SLC7A11: variants seen among roughly 807,000 people sequenced by gnomAD.
The protein encoded by SLC7A11 is cystine/glutamate transporter.
Under a neutral mutation model 54.5 loss-of-function variants are expected in SLC7A11, and 35 were observed. The observed-to-expected ratio is 0.64, with a 90% confidence interval of 0.49 to 0.85. The LOEUF (loss-of-function observed/expected upper bound fraction) is 0.85. Among genes scored for constraint, SLC7A11 ranks in the 40% least tolerant of loss-of-function variants. The probability of loss-of-function intolerance (pLI) is 0.00; values close to 1 mark genes in which losing one functional copy is unlikely to be tolerated. For missense variants in SLC7A11, 583 were observed against 618.1 expected, an observed-to-expected ratio of 0.94 and a Z score of 0.60; for synonymous variants, 230 against 225.2, an observed-to-expected ratio of 1.02 and a Z score of -0.19.
At chr4:138,234,408 C>G (rs1738155329) in intron 2 of SLC7A11, among the ~76,000 whole-genome samples, 1 of 152,104 alleles carries the variant, frequency 6.6e-6, no homozygotes, top group Non-Finnish European at 1.5e-5. Flanking sequence ...GATATTTTGT[C>G]CCTCCTCATG....
At chr4:138,225,580 G>T (rs1230864590) in intron 3 of SLC7A11, among the ~76,000 whole-genome samples, 1 of 151,966 alleles carries the variant, frequency 6.6e-6, no homozygotes, top group Admixed American at 6.6e-5. Flanking sequence ...CTTATATATG[G>T]AAAATAAGTT....
rs1206360999 is a variant in SLC7A11, at chr4:138,165,131, T to A, written c.*6825A>T. On this transcript the variant is annotated 3_prime_UTR_variant, in exon 12 of 12. Transcript: ENST00000280612. ...TTTTCTACCCCTTGGCAACTGAAAATGAAGTTACCATTCCTAGGCCAAATT... is the reference window on the plus strand; with the variant it reads ...TTTTCTACCCCTTGGCAACTGAAAAAGAAGTTACCATTCCTAGGCCAAATT... The A allele has an allele frequency of 6.6e-6, 1 of 152,504 alleles. No individual in the cohort carries two copies. Among genetic ancestry groups the A allele is most frequent in the Non-Finnish European group, 1.5e-5 (1 of 67,972 alleles). 9.4% of individuals were successfully genotyped at this position (152,504 alleles called of 1,614,324 possible).
chr4:138,177,411 CTCTCTCTCTCTCTCTG>C (rs1235852169), intron 11 of SLC7A11: 9 of 148,824 alleles, frequency 6.0e-5, no homozygotes, highest in Non-Finnish European at 1.4e-4. Context: ...ACCTACCTAT[CTCTCTCTCTCTCTCTG>C]TCTCTCTCTC....
intron 11 of SLC7A11, chr4:138,177,264 C>T (rs950767619): frequency 3.9e-5 from 6 of 151,930 alleles, no homozygotes; most frequent in African/African-American, 9.7e-5. Flanking sequence ...GAAATCTCCC[C>T]AAACTTTTAA....
rs1738094313 is a variant in SLC7A11, at chr4:138,232,177, A to G, written c.520+90T>C. On this transcript the variant is annotated intron_variant, in intron 3 of 11. Coordinates refer to ENST00000280612, the MANE Select transcript of SLC7A11 (RefSeq NM_014331.4). ...CAAAAAGAACATGATGTGAGAGGCA[A>G]TCCCGCAATGCAAAAAGTCTAAAGA... The G allele has an allele frequency of 6.8e-6, 6 of 884,336 alleles. 1 individual carries two copies. The East Asian group carries it at 1.5e-4, about 22-fold the overall frequency. The allele number at this position is 884,336 out of a possible 1,614,324, so 54.8% of individuals were successfully genotyped here. A position where few individuals can be genotyped will look rare whatever the true frequency, so the allele number is the denominator to read the frequency against.
At chr4:138,214,730 T>C (rs187317084) in intron 5 of SLC7A11, 101 bp from the exon 6 acceptor site, 2 of 391,870 alleles carry the variant, frequency 5.1e-6, no homozygotes, top group East Asian at 4.7e-5. Flanking sequence ...TTATGAAAAC[T>C]ATAACAATAC....
rs1491293485 is a variant in SLC7A11 at position 138,170,233 on chromosome 4, A to AAGTGT, written c.*1722_*1723insACACT. ...TATATATATATATATATATATAAAAAGTGTGTGTGTGTGTGTGTATATATA... is the reference window on the plus strand; with the variant it reads ...TATATATATATATATATATATAAAAAAGTGTGTGTGTGTGTGTGTGTGTATATATA... On this transcript the variant is annotated 3_prime_UTR_variant, in exon 12 of 12. Coordinates refer to ENST00000280612, the MANE Select transcript of SLC7A11 (RefSeq NM_014331.4). The AAGTGT allele has an allele frequency of 5.1e-5, 5 of 98,632 alleles. No individual in the cohort carries two copies. Among genetic ancestry groups the AAGTGT allele is most frequent in the African/African-American group, 1.5e-4 (4 of 26,540 alleles). The allele number at this position is 98,632 out of a possible 1,614,324, so 6.1% of individuals were successfully genotyped here.
intron 6 of SLC7A11, among the ~76,000 whole-genome samples, chr4:138,203,974 G>A (rs931863766): frequency 7.9e-5 from 12 of 152,078 alleles, no homozygotes; most frequent in Admixed American, 5.2e-4. Context: ...AGTCAAAACA[G>A]TCTACATACT....
chr4:138,179,246 T>C lies in SLC7A11; in HGVS notation c.1415A>G (p.Lys472Arg). Residue 472 changes from lysine (K) to arginine (R), a missense_variant, in exon 11 of 12, where the codon AAG (lysine) becomes AGG (arginine). Physicochemically the swap from Lys to Arg is conservative, Grantham distance 26 (BLOSUM62 2). Transcript: ENST00000280612. ...CATTATTCTAAACCACCTGGGTTTCTTGTCCCATATAATAAAGAGATAATA... is the reference window on the plus strand; with the variant it reads ...CATTATTCTAAACCACCTGGGTTTCCTGTCCCATATAATAAAGAGATAATA... ...PAYYLFIIWD[K>R]KPRWFRIMSE... 6.2e-7 allele frequency: 1 copy of C among 1,611,636 alleles called. No homozygotes were observed. Among genetic ancestry groups the C allele is most frequent in the Non-Finnish European group, 8.5e-7 (1 of 1,178,118 alleles).
At chr4:138,206,534 C>A (rs1292402831) in intron 6 of SLC7A11, among the ~76,000 whole-genome samples, 1 of 151,320 alleles carries the variant, frequency 6.6e-6, no homozygotes, top group Non-Finnish European at 1.5e-5. Context: ...GAATTGGAAT[C>A]CTTACAATTA....
Position 138,241,852 on chromosome 4 carries a change from G to A in SLC7A11, c.218C>T (p.Thr73Met), listed in dbSNP as rs752405496. 1.7e-5 allele frequency: 28 copies of A among 1,614,110 alleles called. No homozygotes were observed. The South Asian group carries it at 1.8e-4, about 10-fold the overall frequency. The change falls in exon 1 of 12, where the codon ACG becomes ATG. Residue 73 changes from threonine to methionine, a missense_variant. Coordinates refer to ENST00000280612, the MANE Select transcript of SLC7A11 (RefSeq NM_014331.4). ...FISPKGVLQNTGSVGMSLTIW... is the reference protein window; with the variant it reads ...FISPKGVLQNMGSVGMSLTIW... Reference sequence around the variant, plus strand: ...GGTCAGAGACATGCCCACGCTGCCCGTGTTCTGGAGCACGCCCTTAGGAGA... The same window carrying A: ...GGTCAGAGACATGCCCACGCTGCCCATGTTCTGGAGCACGCCCTTAGGAGA...
At chr4:138,216,117 A>G (rs2148440456) in intron 5 of SLC7A11, among the ~76,000 whole-genome samples, 1 of 152,298 alleles carries the variant, frequency 6.6e-6, no homozygotes, top group East Asian at 1.9e-4. Flanking sequence ...TTTGGTTTAC[A>G]ACACTTCAAG....
intron 5 of SLC7A11, 57 bp downstream of exon 5, chr4:138,219,209 G>A: frequency 1.0e-6 from 1 of 957,350 alleles, no homozygotes; most frequent in South Asian, 1.4e-5. Context: ...CTTAATCTGA[G>A]TGCATAATGG....
At chr4:138,200,617 C>T (rs1659194080) in intron 6 of SLC7A11, among the ~76,000 whole-genome samples, 1 of 152,044 alleles carries the variant, frequency 6.6e-6, no homozygotes, top group Admixed American at 6.6e-5. Context: ...GGAAAGAGTA[C>T]TAGAAAAGGA....
At chr4:138,222,332 G>A (rs921125925) in intron 4 of SLC7A11, among the ~76,000 whole-genome samples, 1 of 152,164 alleles carries the variant, frequency 6.6e-6, no homozygotes, top group Non-Finnish European at 1.5e-5. Flanking sequence ...CTTCTGCAAC[G>A]TCATTAAATT....
Position 138,170,205 on chromosome 4 carries a change from C to CTATATATATATATATATATATATATATA in SLC7A11, c.*1750_*1751insTATATATATATATATATATATATATATA, listed in dbSNP as rs760391383. 1 of 98,134 alleles carries CTATATATATATATATATATATATATATA rather than the reference C, an allele frequency of 1.0e-5. No individual in the cohort carries two copies. Among genetic ancestry groups the CTATATATATATATATATATATATATATA allele is most frequent in the Non-Finnish European group, 2.0e-5 (1 of 49,444 alleles). 6.1% of individuals were successfully genotyped at this position (98,134 alleles called of 1,614,324 possible). On this transcript the variant is annotated 3_prime_UTR_variant, in exon 12 of 12. Transcript: ENST00000280612. The stretch of plus-strand genomic sequence containing the variant: ...ATATTACTCTCATTTGTAAGTTCCA[C>CTATATATATATATATATATATATATATA]TATATATATATATATATATATATAA...
chr4:138,231,540 G>A (rs1025089131), intron 3 of SLC7A11, among the ~76,000 whole-genome samples: 3 of 152,076 alleles, frequency 2.0e-5, no homozygotes, highest in Non-Finnish European at 4.4e-5. Context: ...TCTTAAGACA[G>A]TGATTCAAAT....
chr4:138,225,969 T>A (rs1578667345), intron 3 of SLC7A11, among the ~76,000 whole-genome samples: 1 of 152,174 alleles, frequency 6.6e-6, no homozygotes, highest in African/African-American at 2.4e-5. Flanking sequence ...TAACTATATG[T>A]TTGAAAATAA....
intron 7 of SLC7A11, among the ~76,000 whole-genome samples, chr4:138,184,794 G>GAA (rs11372828): frequency 1.3e-5 from 2 of 152,074 alleles, no homozygotes; most frequent in East Asian, 1.9e-4. Flanking sequence ...AATTTGCATA[G>GAA]AAAAAATGCA....
Sources: gnomAD v4.1 joint callset for allele counts (sites outside exome capture counted in the v4.1 genomes callset) on GRCh38, gnomAD v4.1.1 for gene constraint, MANE v1.5 for transcripts, NCBI Gene and HGNC (gene_info 2026-07-23, HGNC 2026-07-21) for gene names.